WWTR1: variants seen among roughly 807,000 people sequenced by gnomAD.
The protein encoded by WWTR1 is WW domain containing transcription regulator 1.
In WWTR1, 13 loss-of-function variants were observed where a neutral mutation model predicts 40.1. The ratio of observed to expected loss-of-function variants is 0.32; its 90% CI spans 0.21 to 0.52. WWTR1 has a LOEUF of 0.52. Ranked by LOEUF, WWTR1 falls within the 20% of genes least tolerant of loss-of-function variation. The pLI is 0.97. For synonymous variants in WWTR1, 230 were observed against 210.1 expected, an observed-to-expected ratio of 1.09 and a Z score of -0.82; for missense variants, 436 against 523.1, an observed-to-expected ratio of 0.83 and a Z score of 1.63.
intron 1 of WWTR1, among the ~76,000 whole-genome samples, chr3:149,687,857 T>A (rs188436614): frequency 6.6e-6 from 1 of 151,936 alleles, no homozygotes; most frequent in East Asian, 1.9e-4. Context: ...CTGCCCTAGG[T>A]CTGAAGGAAA....
intron 4 of WWTR1, among the ~76,000 whole-genome samples, chr3:149,535,653 C>T (rs906156740): frequency 8.6e-5 from 13 of 151,790 alleles, no homozygotes; most frequent in Non-Finnish European, 1.8e-4. Context: ...TTTCTGTTGT[C>T]CTTTCAAATC....
intron 2 of WWTR1, among the ~76,000 whole-genome samples, chr3:149,631,874 A>C (rs1186681314): frequency 6.6e-6 from 1 of 152,144 alleles, no homozygotes; most frequent in African/African-American, 2.4e-5. Context: ...GGTAGGGAAG[A>C]GCTGTGAGGC....
intron 2 of WWTR1, among the ~76,000 whole-genome samples, chr3:149,590,513 G>C (rs957129838): frequency 2.0e-5 from 3 of 152,126 alleles, no homozygotes; most frequent in Admixed American, 2.0e-4. Flanking sequence ...CACCAGGCAT[G>C]GTGGCGGGTG....
chr3:149,544,201 T>C (rs1736266575), intron 3 of WWTR1, among the ~76,000 whole-genome samples: 1 of 151,542 alleles, frequency 6.6e-6, no homozygotes, highest in South Asian at 2.1e-4. Flanking sequence ...AAATGTATAA[T>C]ATATGTGTAT....
At chr3:149,663,367 G>A (rs77792536) in intron 2 of WWTR1, among the ~76,000 whole-genome samples, 2,136 of 151,988 alleles carry the variant, frequency 0.014, 53 homozygotes, top group South Asian at 0.087. Context: ...TCCCCAACTG[G>A]ACTGTAAATA....
chr3:149,596,719 G>T (rs886659543), intron 2 of WWTR1, among the ~76,000 whole-genome samples: 2 of 152,226 alleles, frequency 1.3e-5, no homozygotes, highest in African/African-American at 2.4e-5. Context: ...GGCGAATCTT[G>T]TTTGAAGGTA....
intron 3 of WWTR1, among the ~76,000 whole-genome samples, chr3:149,556,992 C>T (rs72997924): frequency 0.011 from 1,715 of 151,190 alleles, 29 homozygotes; most frequent in African/African-American, 0.04. Flanking sequence ...GATCATGCCA[C>T]TACCCAGTAT....
intron 2 of WWTR1, among the ~76,000 whole-genome samples, chr3:149,637,118 A>G (rs540347289): frequency 5.3e-5 from 8 of 152,308 alleles, no homozygotes; most frequent in Middle Eastern, 6.8e-3. Context: ...TATTATTTCT[A>G]AACTCAATTT....
In WWTR1 at chr3:149,519,035, A is replaced by G. The variant is rs1677991531; in HGVS notation, c.*1770T>C. The G allele has an allele frequency of 6.6e-6, 1 of 152,114 alleles. No homozygotes were observed. Among genetic ancestry groups the G allele is most frequent in the African/African-American group, 2.4e-5 (1 of 41,430 alleles). 9.4% of individuals were successfully genotyped at this position (152,114 alleles called of 1,614,324 possible). On this transcript the variant is annotated 3_prime_UTR_variant, in exon 7 of 7. Coordinates refer to ENST00000360632, the MANE Select transcript of WWTR1 (RefSeq NM_015472.6). ...GAATCTTATTTAAGATCCCCAACAA[A>G]TAAGTCCCCCATGGAAATTGAAAGT...
At chr3:149,677,104 C>G (rs541165562) in intron 1 of WWTR1, among the ~76,000 whole-genome samples, 7 of 151,850 alleles carry the variant, frequency 4.6e-5, no homozygotes, top group Non-Finnish European at 7.4e-5. Context: ...TTAGGAGAGA[C>G]GGGGTGTCAC....
At chr3:149,698,930 C>T (rs1305233938) in intron 1 of WWTR1, among the ~76,000 whole-genome samples, 1 of 152,176 alleles carries the variant, frequency 6.6e-6, no homozygotes, top group Non-Finnish European at 1.5e-5. Context: ...TCCTCCTAAG[C>T]CTCTGAGCCT....
intron 3 of WWTR1, among the ~76,000 whole-genome samples, chr3:149,568,540 A>C (rs1350841577): frequency 3.5e-5 from 5 of 142,290 alleles, no homozygotes; most frequent in South Asian, 4.6e-4. Flanking sequence ...AAAAAAAAAA[A>C]AAAAAAAAAA....
chr3:149,612,943 G>C (rs1157504604), intron 2 of WWTR1, among the ~76,000 whole-genome samples: 3 of 152,068 alleles, frequency 2.0e-5, no homozygotes, highest in Non-Finnish European at 4.4e-5. Context: ...AGCCTGTCTA[G>C]AGTCCTCTAC....
intron 2 of WWTR1, among the ~76,000 whole-genome samples, chr3:149,597,917 G>A (rs1177545165): frequency 6.6e-6 from 1 of 152,210 alleles, no homozygotes; most frequent in Non-Finnish European, 1.5e-5. Flanking sequence ...TTTTTGGAAT[G>A]ATTATTTTTT....
chr3:149,666,935 C>T (rs1713847025), intron 2 of WWTR1, among the ~76,000 whole-genome samples: 1 of 152,164 alleles, frequency 6.6e-6, no homozygotes, highest in Non-Finnish European at 1.5e-5. Context: ...CACTGACTTA[C>T]AGTATCATTT....
At chr3:149,622,486 G>GAAAGAAAGAAAGAA (rs1560089630) in intron 2 of WWTR1, among the ~76,000 whole-genome samples, 2 of 94,298 alleles carry the variant, frequency 2.1e-5, no homozygotes, top group African/African-American at 7.4e-5. Flanking sequence ...AGGAAGGAAG[G>GAAAGAAAGAAAGAA]AAGGAAGGAA....
chr3:149,631,169 A>G (rs1711537636), intron 2 of WWTR1, among the ~76,000 whole-genome samples: 1 of 152,210 alleles, frequency 6.6e-6, no homozygotes, highest in African/African-American at 2.4e-5. Flanking sequence ...TCTCACAGTC[A>G]AATTTCTCGA....
intron 2 of WWTR1, among the ~76,000 whole-genome samples, chr3:149,580,331 C>T (rs767949870): frequency 5.9e-5 from 9 of 152,192 alleles, no homozygotes; most frequent in Non-Finnish European, 1.2e-4. Context: ...GTGGTATGCA[C>T]ACTTACTAAT....
upstream of WWTR1, chr3:149,661,136 T>G (rs1713553809): frequency 6.6e-6 from 1 of 152,216 alleles, no homozygotes; most frequent in Non-Finnish European, 1.5e-5. Flanking sequence ...AGAAGTCCAG[T>G]TACCCTGTTG....
Sources: gnomAD v4.1 joint callset for allele counts (sites outside exome capture counted in the v4.1 genomes callset) on GRCh38, gnomAD v4.1.1 for gene constraint, MANE v1.5 for transcripts, NCBI Gene and HGNC (gene_info 2026-07-23, HGNC 2026-07-21) for gene names.